LHFPL3: variants seen among roughly 807,000 people sequenced by gnomAD.
The protein encoded by LHFPL3 is LHFPL tetraspan subfamily member 3.
Under a neutral mutation model 19.3 loss-of-function variants are expected in LHFPL3, and 5 were observed. That is an observed-to-expected ratio of 0.26 (90% CI 0.14 to 0.54). The LOEUF (loss-of-function observed/expected upper bound fraction) is 0.54. Ranked by LOEUF, LHFPL3 falls within the 20% of genes least tolerant of loss-of-function variation. LHFPL3 has a pLI of 0.94. For missense variants in LHFPL3, 249 were observed against 307.4 expected (o/e 0.81, Z 1.42); for synonymous variants, 133 against 126.2 (o/e 1.05, Z -0.36).
intron 1 of LHFPL3, among the ~76,000 whole-genome samples, chr7:104,354,184 T>A (rs1327152182): frequency 6.6e-6 from 1 of 152,238 alleles, no homozygotes; most frequent in East Asian, 1.9e-4. Context: ...GTGCTAGGTT[T>A]TGAAGCTCCA....
intron 1 of LHFPL3, among the ~76,000 whole-genome samples, chr7:104,477,749 TA>T (rs1793051372): frequency 5.9e-5 from 1 of 17,092 alleles, no homozygotes; most frequent in Non-Finnish European, 1.3e-4. Context: ...GAACTTAAAA[TA>T]AGTTAAAAAA....
intron 1 of LHFPL3, among the ~76,000 whole-genome samples, chr7:104,671,377 C>A (rs529150784): frequency 6.6e-6 from 1 of 151,748 alleles, no homozygotes; most frequent in Non-Finnish European, 1.5e-5. Flanking sequence ...CTACCTTGTC[C>A]CCCCCATTAA....
chr7:104,670,684 C>G (rs886666109), intron 1 of LHFPL3, among the ~76,000 whole-genome samples: 3 of 152,110 alleles, frequency 2.0e-5, no homozygotes, highest in Admixed American at 1.3e-4. Context: ...TTTTATTGAT[C>G]AGAGTGCTCT....
intron 2 of LHFPL3, among the ~76,000 whole-genome samples, chr7:104,749,957 C>G (rs1794130412): frequency 6.6e-6 from 1 of 152,156 alleles, no homozygotes; most frequent in African/African-American, 2.4e-5. Flanking sequence ...TTCCCTAGTC[C>G]CTTTCCTGGT....
chr7:104,547,943 A>T (rs770081444), intron 1 of LHFPL3, among the ~76,000 whole-genome samples: 8 of 152,198 alleles, frequency 5.3e-5, no homozygotes, highest in Admixed American at 2.0e-4. Flanking sequence ...AGTAAATATC[A>T]TCAAGTACAA....
At chr7:104,706,541 G>A (rs1793193501) in intron 1 of LHFPL3, among the ~76,000 whole-genome samples, 1 of 152,230 alleles carries the variant, frequency 6.6e-6, no homozygotes. Context: ...GGCTGAGGCA[G>A]AGCCAAAATT....
intron 1 of LHFPL3, among the ~76,000 whole-genome samples, chr7:104,509,125 GA>G (rs1793761311): frequency 6.6e-6 from 1 of 151,972 alleles, no homozygotes; most frequent in South Asian, 2.1e-4. Context: ...CCCTGTATAA[GA>G]AATTGTTAGG....
intron 2 of LHFPL3, among the ~76,000 whole-genome samples, chr7:104,818,708 G>T (rs1790615717): frequency 6.6e-6 from 1 of 151,968 alleles, no homozygotes; most frequent in East Asian, 1.9e-4. Context: ...AAACAGAGTT[G>T]TTTCCACGTT....
intron 2 of LHFPL3, among the ~76,000 whole-genome samples, chr7:104,779,115 C>A (rs1794678921): frequency 6.6e-6 from 1 of 152,190 alleles, no homozygotes. Context: ...TGACTACCTG[C>A]AAGACTTGCC....
chr7:104,389,475 C>G (rs922197553), intron 1 of LHFPL3, among the ~76,000 whole-genome samples: 2 of 152,120 alleles, frequency 1.3e-5, no homozygotes, highest in African/African-American at 4.8e-5. Flanking sequence ...CAACCCCTAT[C>G]CAAACCTCCA....
chr7:104,829,868 A>G (rs1022822405), intron 2 of LHFPL3, among the ~76,000 whole-genome samples: 1 of 151,930 alleles, frequency 6.6e-6, no homozygotes, highest in Non-Finnish European at 1.5e-5. Flanking sequence ...GCTGGGTCAA[A>G]TGGTATTTCT....
intron 2 of LHFPL3, among the ~76,000 whole-genome samples, chr7:104,792,475 C>T (rs990889573): frequency 1.3e-5 from 2 of 152,136 alleles, no homozygotes; most frequent in African/African-American, 4.8e-5. Flanking sequence ...ATGGTACCAT[C>T]CATGACTAAA....
intron 1 of LHFPL3, among the ~76,000 whole-genome samples, chr7:104,434,630 G>T (rs187006626): frequency 6.6e-6 from 1 of 152,086 alleles, no homozygotes; most frequent in Non-Finnish European, 1.5e-5. Context: ...ATTTTTTATT[G>T]AACTTGTAGA....
At chr7:104,732,095 G>T (rs536924325) in intron 1 of LHFPL3, among the ~76,000 whole-genome samples, 101 of 152,298 alleles carry the variant, frequency 6.6e-4, no homozygotes, top group African/African-American at 2.4e-3. Flanking sequence ...TGGTGGATAA[G>T]CTTTTTGATG....
At chr7:104,596,017 G>A (rs916055872) in intron 1 of LHFPL3, among the ~76,000 whole-genome samples, 2 of 152,314 alleles carry the variant, frequency 1.3e-5, no homozygotes, top group Admixed American at 6.5e-5. Flanking sequence ...TGTGCTTCCC[G>A]GGTGAGACAA....
intron 1 of LHFPL3, among the ~76,000 whole-genome samples, chr7:104,589,248 T>G (rs1046694977): frequency 6.6e-6 from 1 of 152,186 alleles, no homozygotes; most frequent in Non-Finnish European, 1.5e-5. Flanking sequence ...GGCTGTGGGT[T>G]TGTCATAAAT....
At chr7:104,414,421 A>G (rs983643852) in intron 1 of LHFPL3, among the ~76,000 whole-genome samples, 1 of 152,204 alleles carries the variant, frequency 6.6e-6, no homozygotes, top group Non-Finnish European at 1.5e-5. Context: ...CTCTTCATAG[A>G]GTTTCTTAGA....
At chr7:104,349,144 A>G (rs1790128637) in intron 1 of LHFPL3, among the ~76,000 whole-genome samples, 1 of 152,206 alleles carries the variant, frequency 6.6e-6, no homozygotes, top group African/African-American at 2.4e-5. Context: ...GAGAAAGAAC[A>G]TTTTACTTAG....
At chr7:104,572,228 T>C (rs891995801) in intron 1 of LHFPL3, among the ~76,000 whole-genome samples, 5 of 152,192 alleles carry the variant, frequency 3.3e-5, no homozygotes, top group Admixed American at 6.5e-5. Context: ...TGGCAAAAAC[T>C]GCAGTTACTT....
Sources: gnomAD v4.1 joint callset for allele counts (sites outside exome capture counted in the v4.1 genomes callset) on GRCh38, gnomAD v4.1.1 for gene constraint, MANE v1.5 for transcripts, NCBI Gene and HGNC (gene_info 2026-07-23, HGNC 2026-07-21) for gene names.